Variants in KIF1C observed in about 807,000 individuals in gnomAD.
KIF1C encodes the protein kinesin-like protein KIF1C.
A neutral mutation model predicts 126.5 loss-of-function variants in KIF1C; 61 were observed. The observed-to-expected ratio is 0.48, with a 90% confidence interval of 0.39 to 0.60. The LOEUF (loss-of-function observed/expected upper bound fraction) is 0.60, where lower values mean the gene tolerates loss of function less well. Ranked by LOEUF, KIF1C falls within the 20% of genes least tolerant of loss-of-function variation. The pLI is 0.00. For synonymous variants in KIF1C, 640 were observed against 580.6 expected (o/e 1.10, Z -1.47); for missense variants, 1,315 against 1,489.2 (o/e 0.88, Z 1.93).
intron 3 of KIF1C, among the ~76,000 whole-genome samples, 165 bp downstream of exon 3, chr17:5,000,517 A>T (rs1341641478): frequency 6.6e-6 from 1 of 151,716 alleles, no homozygotes; most frequent in Non-Finnish European, 1.5e-5. Flanking sequence ...CCGTGTTCCC[A>T]GTCCCTGGGA....
At position 5,022,315 on chromosome 17, in the gene KIF1C, C is replaced by G; in HGVS notation, c.2234C>G (p.Ala745Gly). 1 of 1,609,362 alleles carries G rather than the reference C, an allele frequency of 6.2e-7. No homozygotes were observed. The highest frequency in any genetic ancestry group is 2.2e-5 in the East Asian group (1 of 44,718). ...AAAGACCCCCGCTGGGCCACCATGG[C>G]TGACCTGAAGATGCAGGCGGTGAAG... The part of the protein sequence containing the change: ...QGKDPRWATM[A>G]DLKMQAVKEI... The change falls in exon 22 of 23, where the codon GCT becomes GGT. Residue 745 changes from alanine to glycine, a missense_variant. Transcript: ENST00000320785. This position sits in a 1 kb window ranked among gnomAD's most constrained non-coding sequence, Gnocchi z 4.9.
At position 4,998,092 on chromosome 17, in the gene KIF1C, C is replaced by T. The variant is rs1339631343; in HGVS notation, c.-213C>T. 1.3e-5 allele frequency: 2 copies of T among 151,946 alleles called. No individual in the cohort carries two copies. Among genetic ancestry groups the T allele is most frequent in the Non-Finnish European group, 2.9e-5 (2 of 67,950 alleles). 9.4% of individuals were successfully genotyped at this position (151,946 alleles called of 1,614,324 possible). On this transcript the variant is annotated 5_prime_UTR_variant, in exon 1 of 23. Transcript: ENST00000320785. ...CGGCCCCAGATCCTTCCCGCTTCCG[C>T]CTCACGCTTCCCGGAAAGCTTGTCC...
chr17:5,013,641 C>T lies in KIF1C; in HGVS notation c.1492-12C>T. On this transcript the variant is annotated splice_polypyrimidine_tract_variant and intron_variant, in intron 16 of 22. Transcript: ENST00000320785. The stretch of plus-strand genomic sequence containing the variant: ...GCTGGCTCCCCCTGACCACCTTTCT[C>T]TCCCCGCTTAGACTCCCCACCTGGT... 6.2e-7 allele frequency: 1 copy of T among 1,611,050 alleles called. No homozygotes were observed. The highest frequency in any genetic ancestry group is 8.5e-7 in the Non-Finnish European group (1 of 1,177,434).
intron 1 of KIF1C, among the ~76,000 whole-genome samples, chr17:4,999,530 C>G (rs908524458): frequency 3.4e-4 from 52 of 152,118 alleles, no homozygotes; most frequent in Middle Eastern, 3.4e-3. Context: ...TTCTTGGTGT[C>G]TGTGACTCTC....
rs376963307 is a variant in KIF1C, at chr17:5,004,573, A to G, written c.947A>G (p.Asn316Ser). Residue 316 changes from asparagine (N) to serine (S), a missense_variant, in exon 12 of 23, where the codon AAC (asparagine) becomes AGC (serine). Asn to Ser is a conservative substitution (Grantham distance 46). Around this residue, in one of 2 missense-constraint regions of KIF1C, gnomAD observed 874 missense variants for 1,053.2 expected, o/e 0.83. Transcript: ENST00000320785. Reference sequence around the variant, plus strand: ...CCATGCACTCCATTCACAGGGGGGAACTCACGCACAGCCATGATTGCAGCC... The same window carrying G: ...CCATGCACTCCATTCACAGGGGGGAGCTCACGCACAGCCATGATTGCAGCC... Reference protein sequence around the residue: ...TWLLKENLGGNSRTAMIAALS... With the variant: ...TWLLKENLGGSSRTAMIAALS... 2.0e-5 allele frequency: 33 copies of G among 1,613,928 alleles called. No homozygotes were observed. The highest frequency in any genetic ancestry group is 4.5e-5 in the East Asian group (2 of 44,898).
At chr17:4,998,987 G>A (rs983291032) in intron 1 of KIF1C, 2 of 151,860 alleles carry the variant, frequency 1.3e-5, no homozygotes, top group African/African-American at 2.4e-5. Flanking sequence ...CCAGCCAGCC[G>A]GCTTCCTTTT....
chr17:5,000,634 G>A (rs1974563522), intron 3 of KIF1C, 138 bp from the exon 4 acceptor site: 2 of 823,328 alleles, frequency 2.4e-6, no homozygotes, highest in Non-Finnish European at 4.0e-6. Context: ...AGGGGGTGGG[G>A]AATGTTAAAG....
intron 13 of KIF1C, among the ~76,000 whole-genome samples, chr17:5,006,064 A>G (rs1490602772): frequency 1.3e-5 from 2 of 149,212 alleles, no homozygotes; most frequent in Non-Finnish European, 3.0e-5. Flanking sequence ...AAAATTAGCT[A>G]GGTGTGGTGG....
intron 21 of KIF1C, among the ~76,000 whole-genome samples, chr17:5,021,176 T>G (rs868623524): frequency 1.3e-4 from 18 of 140,880 alleles, no homozygotes; most frequent in African/African-American, 4.0e-4. Context: ...GTGGTTTTTT[T>G]TTTTTTTTTT....
At chr17:5,009,876 A>T (rs1176909605) in intron 16 of KIF1C, among the ~76,000 whole-genome samples, 1 of 151,936 alleles carries the variant, frequency 6.6e-6, no homozygotes, top group Non-Finnish European at 1.5e-5. Flanking sequence ...ATAGAACTAT[A>T]CACATTTACT....
In KIF1C at chr17:5,023,917, C is replaced by T. The variant is rs1336768239; in HGVS notation, c.3078C>T (p.Ser1026=). ...PARRPPSPRR[S]HHPRRNSLDG... ...GCCGGCCTCCGAGTCCCCGAAGGTCCCACCATCCCCGCAGGAACTCCCTGG... is the reference window on the plus strand; with the variant it reads ...GCCGGCCTCCGAGTCCCCGAAGGTCTCACCATCCCCGCAGGAACTCCCTGG... The change falls in exon 23 of 23, where the codon TCC becomes TCT. Residue 1026 remains serine, a synonymous_variant. Transcript: ENST00000320785. The surrounding 1 kb of genome is among the most constrained non-coding windows in gnomAD (Gnocchi z 4.2). 1 of 1,563,922 alleles carries T rather than the reference C, an allele frequency of 6.4e-7. No individual in the cohort carries two copies.
In KIF1C at chr17:5,023,608, G is replaced by T; in HGVS notation, c.2769G>T (p.Arg923=). ...PPSPPLSSWE[R]VSRLMEEDPA... Reference sequence around the variant, plus strand: ...CGCCACCACTGTCAAGCTGGGAGCGGGTGTCACGGCTCATGGAGGAGGACC... The same window carrying T: ...CGCCACCACTGTCAAGCTGGGAGCGTGTGTCACGGCTCATGGAGGAGGACC... Residue 923 remains arginine (R), a synonymous_variant, in exon 23 of 23, where the codon CGG becomes CGT. Transcript: ENST00000320785. The surrounding 1 kb of genome is among the most constrained non-coding windows in gnomAD (Gnocchi z 4.2). 6.2e-7 allele frequency: 1 copy of T among 1,613,732 alleles called. No homozygotes were observed. Among genetic ancestry groups the T allele is most frequent in the South Asian group, 1.1e-5 (1 of 91,070 alleles).
At chr17:5,015,742 C>T (rs901290265) in intron 18 of KIF1C, among the ~76,000 whole-genome samples, 1 of 151,132 alleles carries the variant, frequency 6.6e-6, no homozygotes, top group Non-Finnish European at 1.5e-5. Context: ...ATTACAGGCA[C>T]GCGCCACCAC....
chr17:5,000,889 CAG>C (rs1491361040), intron 4 of KIF1C, 41 bp downstream of exon 4: 26 of 1,582,214 alleles, frequency 1.6e-5, no homozygotes, highest in Admixed American at 8.3e-5. Context: ...CAGTGAGAGA[CAG>C]AGGATTTAGG....
intron 13 of KIF1C, among the ~76,000 whole-genome samples, chr17:5,005,730 CTTT>C (rs72032376): frequency 2.8e-5 from 4 of 142,496 alleles, no homozygotes. Context: ...GCTAAGAATT[CTTT>C]TTTTTTTTTT....
Position 5,004,841 on chromosome 17 carries a change from CCT to C in KIF1C, c.1020-11_1020-10del. On this transcript the variant is annotated splice_polypyrimidine_tract_variant and intron_variant, in intron 12 of 22. Coordinates refer to ENST00000320785, the MANE Select transcript of KIF1C (RefSeq NM_006612.6). ...GCCCCCAGGCCTCACCGACCCTGCT[CCT>C]CTGTCACCCAGGTATGCTGACCGCA... 6.2e-7 allele frequency: 1 copy of C among 1,614,164 alleles called. No individual in the cohort carries two copies. The highest frequency in any genetic ancestry group is 8.5e-7 in the Non-Finnish European group (1 of 1,180,030).
Position 5,023,905 on chromosome 17 carries a change from TC to T in KIF1C, c.3070del (p.Arg1024GlufsTer64). On this transcript the variant is annotated frameshift_variant, in exon 23 of 23. Transcript: ENST00000320785. LOFTEE classifies it high-confidence loss of function. The surrounding 1 kb of genome is among the most constrained non-coding windows in gnomAD (Gnocchi z 4.2). ...CCACCCCTGCCCGCCGGCCTCCGAG[TC>T]CCCGAAGGTCCCACCATCCCCGCAG... ...PATPARRPPS[P>X]RRSHHPRRNS... The T allele has an allele frequency of 1.3e-6, 2 of 1,551,306 alleles. No individual in the cohort carries two copies. Among genetic ancestry groups the T allele is most frequent in the Non-Finnish European group, 8.7e-7 (1 of 1,148,418 alleles).
chr17:5,014,034 T>C (rs1229421192), intron 17 of KIF1C, among the ~76,000 whole-genome samples: 1 of 152,158 alleles, frequency 6.6e-6, no homozygotes, highest in South Asian at 2.1e-4. Context: ...TGGCCTCCCT[T>C]GGTGGGGCCT....
intron 17 of KIF1C, chr17:5,014,349 G>A (rs1282190994): frequency 1.0e-5 from 2 of 192,826 alleles, no homozygotes. Context: ...GGCCCGGGGG[G>A]CAGCCTCTGC....
Sources: allele counts gnomAD v4.1 joint callset (sites outside exome capture counted in the v4.1 genomes callset), GRCh38; gene constraint gnomAD v4.1.1; regional missense constraint gnomAD v4.1.1; non-coding constraint Gnocchi (gnomAD v3.1); transcripts MANE v1.5; gene names NCBI Gene and HGNC (gene_info 2026-07-23, HGNC 2026-07-21).